Variants in ZKSCAN1 observed in about 807,000 individuals in gnomAD.
The protein encoded by ZKSCAN1 is zinc finger with KRAB and SCAN domains 1, also known as zinc finger protein with KRAB and SCAN domains 1.
A neutral mutation model predicts 51.6 loss-of-function variants in ZKSCAN1; 14 were observed. The ratio of observed to expected loss-of-function variants is 0.27; its 90% CI spans 0.18 to 0.42. The LOEUF (loss-of-function observed/expected upper bound fraction) is 0.42, where lower values mean the gene tolerates loss of function less well. Among genes scored for constraint, ZKSCAN1 ranks in the 10% least tolerant of loss-of-function variants. The pLI, the probability that ZKSCAN1 is intolerant of heterozygous loss-of-function variation, is 1.00. For synonymous variants in ZKSCAN1, 263 were observed against 261.5 expected, an observed-to-expected ratio of 1.01 and a Z score of -0.06; for missense variants, 531 against 710.0, an observed-to-expected ratio of 0.75 and a Z score of 2.86.
chr7:100,017,826 CACTT>C (rs1204590088), intron 1 of ZKSCAN1, among the ~76,000 whole-genome samples: 2 of 152,294 alleles, frequency 1.3e-5, no homozygotes, highest in South Asian at 4.1e-4. Flanking sequence ...AGGGATGTGC[CACTT>C]ACTTGTGGGA....
chr7:100,023,920 A>T lies in ZKSCAN1; in HGVS notation c.414A>T (p.Leu138Phe). ...TTCTAGAAGACTTGGAGCTTGATTTATCAGGACAACAGGTAAAAAGAGGTG... is the reference window on the plus strand; with the variant it reads ...TTCTAGAAGACTTGGAGCTTGATTTTTCAGGACAACAGGTAAAAAGAGGTG... ...VTLLEDLELD[L>F]SGQQVPGQVH... is the part of the protein sequence containing the mutation. The change falls in exon 2 of 6, where the codon TTA (leucine) becomes TTT (phenylalanine). Residue 138 changes from leucine to phenylalanine, a missense_variant. This residue lies in a region of ZKSCAN1 where 403 missense variants were observed against 490.5 expected (regional missense o/e 0.82). Coordinates refer to ENST00000324306, the MANE Select transcript of ZKSCAN1 (RefSeq NM_003439.4). 1 of 1,592,068 alleles carries T rather than the reference A, an allele frequency of 6.3e-7. No homozygotes were observed. The highest frequency in any genetic ancestry group is 8.5e-7 in the Non-Finnish European group (1 of 1,172,910).
In ZKSCAN1 at chr7:100,040,852, A is replaced by G. The variant is rs756585921; in HGVS notation, c.*6655A>G. ...CCCTAGCAAGGACAAAGCATGTTAG[A>G]TTAGAGATGCTTCTGCTGATCGCAG... is the stretch of plus-strand genomic sequence containing the variant. On this transcript the variant is annotated 3_prime_UTR_variant, in exon 6 of 6. Transcript: ENST00000324306. 5.1e-5 allele frequency: 50 copies of G among 985,186 alleles called. No homozygotes were observed. The highest frequency in any genetic ancestry group is 6.0e-5 in the Non-Finnish European group (50 of 829,904). The allele number at this position is 985,186 out of a possible 1,614,324, so 61.0% of individuals were successfully genotyped here.
chr7:100,016,161 A>T lies in ZKSCAN1; in HGVS notation c.-89+435A>T, dbSNP rs538842859. 9.2e-5 allele frequency among the ~76,000 whole-genome samples: 14 copies of T among 152,100 alleles called. 1 individual carries two copies. The South Asian group carries it at 2.5e-3, about 27-fold the overall frequency. On this transcript the variant is annotated intron_variant, in intron 1 of 5. Transcript: ENST00000324306. The stretch of plus-strand genomic sequence containing the variant: ...CCCCCCCGGTTCCTTCGGGACCTCG[A>T]GGTGAAATGAGCGGAAGGATGAGAG...
Position 100,033,575 on chromosome 7 carries a change from G to C in ZKSCAN1, c.1070G>C (p.Ser357Thr). Residue 357 changes from serine (S) to threonine (T), a missense_variant, in exon 6 of 6, where the codon AGC (serine) becomes ACC (threonine). By Grantham distance (58) the Ser-to-Thr change is moderately conservative. Coordinates refer to ENST00000324306, the MANE Select transcript of ZKSCAN1 (RefSeq NM_003439.4). This position sits in a 1 kb window ranked among gnomAD's most constrained non-coding sequence, Gnocchi z 4.1. ...GAGAAGGGGAAAGGATTGGGAAGAAGCTTCAGTCTGAGCTCCAACTTCACC... is the reference window on the plus strand; with the variant it reads ...GAGAAGGGGAAAGGATTGGGAAGAACCTTCAGTCTGAGCTCCAACTTCACC... ...PREKGKGLGRSFSLSSNFTTP... is the reference protein window; with the variant it reads ...PREKGKGLGRTFSLSSNFTTP... 1 of 1,614,122 alleles carries C rather than the reference G, an allele frequency of 6.2e-7. No homozygotes were observed. Among genetic ancestry groups the C allele is most frequent in the Non-Finnish European group, 8.5e-7 (1 of 1,180,018 alleles).
downstream of ZKSCAN1, among the ~76,000 whole-genome samples, chr7:100,042,737 C>CGTTGT (rs1554355906): frequency 6.9e-6 from 1 of 144,692 alleles, no homozygotes; most frequent in African/African-American, 2.6e-5. Flanking sequence ...TATAGATACA[C>CGTTGT]GTGTGTGTGT....
chr7:100,036,181 A>G lies in ZKSCAN1; in HGVS notation c.*1984A>G. ...TGGCTTTATGACTTAAACCAACTAC[A>G]ACTTCCCTATAGCTTCTAAGCAGTT... On this transcript the variant is annotated 3_prime_UTR_variant, in exon 6 of 6. Coordinates refer to ENST00000324306, the MANE Select transcript of ZKSCAN1 (RefSeq NM_003439.4). 1 of 985,326 alleles carries G rather than the reference A, an allele frequency of 1.0e-6. No homozygotes were observed. The highest frequency in any genetic ancestry group is 1.2e-6 in the Non-Finnish European group (1 of 829,896). The allele number at this position is 985,326 out of a possible 1,614,324, so 61.0% of individuals were successfully genotyped here.
In ZKSCAN1 at chr7:100,038,544, T is replaced by G; in HGVS notation, c.*4347T>G. 1.0e-6 allele frequency: 1 copy of G among 985,474 alleles called. No homozygotes were observed. The highest frequency in any genetic ancestry group is 1.2e-6 in the Non-Finnish European group (1 of 829,958). The allele number at this position is 985,474 out of a possible 1,614,324, so 61.0% of individuals were successfully genotyped here. A position where few individuals can be genotyped will look rare whatever the true frequency, so the allele number is the denominator to read the frequency against. ...TCTGAGCTGTCAGGTGACCACTGTG[T>G]GCAAAGGGGATGGATTCTCTTGTCA... is the stretch of plus-strand genomic sequence containing the variant. On this transcript the variant is annotated 3_prime_UTR_variant, in exon 6 of 6. Transcript: ENST00000324306.
chr7:100,038,780 G>A lies in ZKSCAN1; in HGVS notation c.*4583G>A, dbSNP rs1206201962. 7 of 955,622 alleles carry A rather than the reference G, an allele frequency of 7.3e-6. No individual in the cohort carries two copies. Among genetic ancestry groups the A allele is most frequent in the Non-Finnish European group, 8.7e-6 (7 of 802,936 alleles). 59.2% of individuals were successfully genotyped at this position (955,622 alleles called of 1,614,324 possible). A position where few individuals can be genotyped will look rare whatever the true frequency, so the allele number is the denominator to read the frequency against. ...GGAGACCAAGGCGGGTGGATCACAA[G>A]GTCAGGAGATCGAGACCATCCTGGC... is the stretch of plus-strand genomic sequence containing the variant. On this transcript the variant is annotated 3_prime_UTR_variant, in exon 6 of 6. Transcript: ENST00000324306.
downstream of ZKSCAN1, among the ~76,000 whole-genome samples, chr7:100,041,956 G>C (rs1791609758): frequency 6.6e-6 from 1 of 152,104 alleles, no homozygotes; most frequent in Non-Finnish European, 1.5e-5. Flanking sequence ...TGATGGGAAG[G>C]GGGAGCCAAA....
Position 100,034,028 on chromosome 7 carries a change from G to A in ZKSCAN1, c.1523G>A (p.Arg508Gln), listed in dbSNP as rs772572650. Reference protein sequence around the residue: ...FNRNSYLILHRRIHTREKPYK... With the variant: ...FNRNSYLILHQRIHTREKPYK... ...CGAAACTCATACCTGATTTTGCATC[G>A]GAGAATTCACACTCGAGAAAAGCCC... is the stretch of plus-strand genomic sequence containing the variant. The change falls in exon 6 of 6, where the codon CGG (arginine) becomes CAG (glutamine). Residue 508 changes from arginine (R) to glutamine (Q), a missense_variant. Transcript: ENST00000324306. 59 of 1,613,822 alleles carry A rather than the reference G, an allele frequency of 3.7e-5. No individual in the cohort carries two copies. The highest frequency in any genetic ancestry group is 1.6e-4 in the Middle Eastern group (1 of 6,084).
At position 100,023,866 on chromosome 7, in the gene ZKSCAN1, C is replaced by T; in HGVS notation, c.360C>T (p.Arg120=). 1 of 1,613,538 alleles carries T rather than the reference C, an allele frequency of 6.2e-7. No homozygotes were observed. The highest frequency in any genetic ancestry group is 8.5e-7 in the Non-Finnish European group (1 of 1,179,998). ...KELQVWLQEY[R]PDSGEEAVTL... Reference sequence around the variant, plus strand: ...TCCAGGTCTGGCTGCAGGAATACCGCCCCGATAGTGGAGAGGAGGCCGTGA... The same window carrying T: ...TCCAGGTCTGGCTGCAGGAATACCGTCCCGATAGTGGAGAGGAGGCCGTGA... Residue 120 remains arginine, a synonymous_variant, in exon 2 of 6, where the codon CGC becomes CGT. Coordinates refer to ENST00000324306, the MANE Select transcript of ZKSCAN1 (RefSeq NM_003439.4).
downstream of ZKSCAN1, chr7:100,044,754 T>G (rs1205164782): frequency 3.0e-6 from 3 of 983,614 alleles, no homozygotes; most frequent in East Asian, 2.3e-4. Flanking sequence ...CCATTCCACT[T>G]TCATTCTCTT....
chr7:100,027,900 A>G (rs1445266920), intron 3 of ZKSCAN1, among the ~76,000 whole-genome samples: 1 of 152,004 alleles, frequency 6.6e-6, no homozygotes, highest in Non-Finnish European at 1.5e-5. Context: ...ACTAGATTAT[A>G]GAGTTTAGGT....
In ZKSCAN1 at chr7:100,040,069, T is replaced by C; in HGVS notation, c.*5872T>C. 3 of 887,164 alleles carry C rather than the reference T, an allele frequency of 3.4e-6. No homozygotes were observed. Among genetic ancestry groups the C allele is most frequent in the African/African-American group, 1.8e-5 (1 of 55,222 alleles). The allele number at this position is 887,164 out of a possible 1,614,324, so 55.0% of individuals were successfully genotyped here. A position where few individuals can be genotyped will look rare whatever the true frequency, so the allele number is the denominator to read the frequency against. On this transcript the variant is annotated 3_prime_UTR_variant, in exon 6 of 6. Coordinates refer to ENST00000324306, the MANE Select transcript of ZKSCAN1 (RefSeq NM_003439.4). ...TTTTTATTATCTGAAAATGAAATTA[T>C]CTGTTTTACTTTTCAAAGCTTTGTG...
intron 4 of ZKSCAN1, 141 bp downstream of exon 4, chr7:100,030,093 C>A: frequency 1.4e-6 from 2 of 1,387,994 alleles, no homozygotes; most frequent in South Asian, 1.3e-5. Context: ...TAGCATCTTT[C>A]TACCACAAAC....
rs146177388 is a variant in ZKSCAN1 at position 100,029,120 on chromosome 7, C to A, written c.581-741C>A. Among the ~76,000 whole-genome samples, 14 of 142,984 alleles carry A rather than the reference C, an allele frequency of 9.8e-5. No homozygotes were observed. The East Asian group carries it at 2.9e-3, about 29-fold the overall frequency. The allele number at this position is 142,984 out of a possible 152,430, so 93.8% of individuals were successfully genotyped here. A position where few individuals can be genotyped will look rare whatever the true frequency, so the allele number is the denominator to read the frequency against. ...CGAAAGTTGCGATGAGCTAAGATCG[C>A]ACCATTGCACTCCAGCCTGGGCAAC... On this transcript the variant is annotated intron_variant, in intron 3 of 5. Transcript: ENST00000324306.
downstream of ZKSCAN1, among the ~76,000 whole-genome samples, chr7:100,043,547 A>T (rs879450781): frequency 7.4e-6 from 1 of 135,892 alleles, no homozygotes; most frequent in Non-Finnish European, 1.6e-5. Context: ...ATTTTTTTTT[A>T]ATTTTTTGCA....
rs530468107 is a variant in ZKSCAN1, at chr7:100,032,463, C to T, written c.800-842C>T. The stretch of plus-strand genomic sequence containing the variant: ...CCCCTTACTCTCCACTCTTTGCCTG[C>T]GCTCTCATTTTCCAAATTTTTGTTG... On this transcript the variant is annotated intron_variant, in intron 5 of 5. Coordinates refer to ENST00000324306, the MANE Select transcript of ZKSCAN1 (RefSeq NM_003439.4). Among the ~76,000 whole-genome samples the T allele has an allele frequency of 1.8e-3, 267 of 152,300 alleles. 2 individuals carry two copies. The highest frequency in any genetic ancestry group is 6.0e-3 in the African/African-American group (250 of 41,568).
chr7:100,038,245 GTATTT>G lies in ZKSCAN1; in HGVS notation c.*4056_*4060del, dbSNP rs1225788448. 4.1e-6 allele frequency: 4 copies of G among 985,264 alleles called. No individual in the cohort carries two copies. The highest frequency in any genetic ancestry group is 2.4e-6 in the Non-Finnish European group (2 of 829,940). The allele number at this position is 985,264 out of a possible 1,614,324, so 61.0% of individuals were successfully genotyped here. ...CGTATATTACCTGTAAGCAGATACTGTATTTTATTTTAGCCTATTTGACAGAACAC... is the reference window on the plus strand; with the variant it reads ...CGTATATTACCTGTAAGCAGATACTGTATTTTAGCCTATTTGACAGAACAC... On this transcript the variant is annotated 3_prime_UTR_variant, in exon 6 of 6. Coordinates refer to ENST00000324306, the MANE Select transcript of ZKSCAN1 (RefSeq NM_003439.4).
Sources: allele counts gnomAD v4.1 joint callset (sites outside exome capture counted in the v4.1 genomes callset), GRCh38; gene constraint gnomAD v4.1.1; regional missense constraint gnomAD v4.1.1; non-coding constraint Gnocchi (gnomAD v3.1); transcripts MANE v1.5; gene names NCBI Gene and HGNC (gene_info 2026-07-23, HGNC 2026-07-21).